Variants in SLC44A5 observed in about 807,000 individuals in gnomAD.
SLC44A5 encodes choline transporter-like protein 5.
Under a neutral mutation model 101.8 loss-of-function variants are expected in SLC44A5, and 57 were observed. That is an observed-to-expected ratio of 0.56 (90% CI 0.45 to 0.70). The LOEUF (loss-of-function observed/expected upper bound fraction) is 0.70. Ranked by LOEUF, SLC44A5 falls within the 30% of genes least tolerant of loss-of-function variation. The pLI, the probability that SLC44A5 is intolerant of heterozygous loss-of-function variation, is 0.00. For missense variants in SLC44A5, 737 were observed against 853.1 expected, an observed-to-expected ratio of 0.86 and a Z score of 1.70; for synonymous variants, 281 against 290.9, an observed-to-expected ratio of 0.97 and a Z score of 0.35.
intron 2 of SLC44A5, among the ~76,000 whole-genome samples, chr1:75,503,536 C>A (rs572249144): frequency 6.6e-6 from 1 of 152,258 alleles, no homozygotes; most frequent in South Asian, 2.1e-4. Flanking sequence ...GCCTCCTATA[C>A]AGCCTGTGGA....
intron 4 of SLC44A5, among the ~76,000 whole-genome samples, chr1:75,315,141 T>C (rs968335258): frequency 3.9e-5 from 6 of 152,112 alleles, no homozygotes; most frequent in Non-Finnish European, 7.4e-5. Context: ...GAACTCCTCA[T>C]AGAAAAAGTT....
At chr1:75,250,032 T>C (rs1570468764) in intron 7 of SLC44A5, among the ~76,000 whole-genome samples, 1 of 152,190 alleles carries the variant, frequency 6.6e-6, no homozygotes, top group East Asian at 1.9e-4. Context: ...CAGAGGTACA[T>C]GTGCAGGTTT....
intron 1 of SLC44A5, among the ~76,000 whole-genome samples, chr1:75,554,421 T>G (rs1672109166): frequency 1.4e-5 from 2 of 138,080 alleles, no homozygotes; most frequent in African/African-American, 5.6e-5. Flanking sequence ...TGAGCCAAGA[T>G]CACATCACTC....
At chr1:75,376,187 C>T (rs947907934) in intron 3 of SLC44A5, among the ~76,000 whole-genome samples, 22 of 152,372 alleles carry the variant, frequency 1.4e-4, no homozygotes, top group African/African-American at 4.6e-4. Flanking sequence ...GAGGGTCCTA[C>T]GCCCATGGAG....
chr1:75,339,599 C>G lies in SLC44A5; in HGVS notation c.84G>C (p.Lys28Asn). The G allele has an allele frequency of 3.1e-6, 5 of 1,609,588 alleles. No homozygotes were observed. Among genetic ancestry groups the G allele is most frequent in the Non-Finnish European group, 4.2e-6 (5 of 1,177,658 alleles). Residue 28 changes from lysine to asparagine, a missense_variant, in exon 4 of 24, where the codon AAG becomes AAC. Around this residue, in one of 3 missense-constraint regions of SLC44A5, gnomAD observed 665 missense variants for 764.4 expected, o/e 0.87. Coordinates refer to ENST00000370859, the MANE Select transcript of SLC44A5 (RefSeq NM_001130058.2). Reference sequence around the variant, plus strand: ...TTGCTTACCTGTTGGCAACAGGCCCCTTGAAATCTGGGTCATATGTCCTTG... The same window carrying G: ...TTGCTTACCTGTTGGCAACAGGCCCGTTGAAATCTGGGTCATATGTCCTTG... ...GDPRTYDPDF[K>N]GPVANRSCTD...
chr1:75,298,970 C>A (rs1019725983), intron 5 of SLC44A5, among the ~76,000 whole-genome samples: 3 of 152,152 alleles, frequency 2.0e-5, no homozygotes, highest in East Asian at 1.9e-4. Flanking sequence ...AACCCAAGAC[C>A]ATCAAAAAAT....
intron 5 of SLC44A5, among the ~76,000 whole-genome samples, chr1:75,275,521 T>G (rs76985288): frequency 0.026 from 4,005 of 152,264 alleles, 159 homozygotes; most frequent in African/African-American, 0.079. Flanking sequence ...TAGTTCTTTA[T>G]GATTTCATGT....
chr1:75,492,602 A>C (rs905752671), intron 2 of SLC44A5, among the ~76,000 whole-genome samples: 1 of 152,228 alleles, frequency 6.6e-6, no homozygotes, highest in Non-Finnish European at 1.5e-5. Flanking sequence ...AAAATACAAC[A>C]TGCTAAGAAA....
At chr1:75,677,387 G>A in the SLC44A5 span, among the ~76,000 whole-genome samples, 1 of 152,120 alleles carries the variant, frequency 6.6e-6, no homozygotes, top group Non-Finnish European at 1.5e-5. Context: ...ATTTGTTTAA[G>A]CAATCAGTGA....
chr1:75,359,230 C>CTT (rs58243679), intron 3 of SLC44A5, among the ~76,000 whole-genome samples: 13 of 108,670 alleles, frequency 1.2e-4, no homozygotes, highest in South Asian at 3.1e-4. Flanking sequence ...ATTTTCTTTT[C>CTT]TTTTTTTTTT....
At chr1:75,288,263 G>C (rs767495477) in intron 5 of SLC44A5, among the ~76,000 whole-genome samples, 14 of 152,070 alleles carry the variant, frequency 9.2e-5, no homozygotes, top group South Asian at 2.1e-4. Context: ...AGTCCTCACT[G>C]TATGATTTAA....
chr1:75,336,005 GTGT>G (rs1657415789), intron 4 of SLC44A5, among the ~76,000 whole-genome samples: 1 of 152,058 alleles, frequency 6.6e-6, no homozygotes, highest in Non-Finnish European at 1.5e-5. Flanking sequence ...TTGTCATCTG[GTGT>G]GTAATTTCCC....
intron 22 of SLC44A5, among the ~76,000 whole-genome samples, chr1:75,213,194 CCT>C (rs1164289080): frequency 2.0e-5 from 3 of 152,152 alleles, no homozygotes; most frequent in Admixed American, 2.0e-4. Flanking sequence ...CGCATGCAAT[CCT>C]CTGTCTCAGG....
chr1:75,476,248 T>C (rs1040328783), intron 2 of SLC44A5, among the ~76,000 whole-genome samples: 2 of 152,096 alleles, frequency 1.3e-5, no homozygotes, highest in African/African-American at 4.8e-5. Flanking sequence ...CATTTAGAAT[T>C]CTACCTACTA....
chr1:75,632,947 G>A, the SLC44A5 span, among the ~76,000 whole-genome samples: 11 of 152,104 alleles, frequency 7.2e-5, no homozygotes, highest in Admixed American at 6.6e-4. Context: ...ATTATTTGGT[G>A]GTGCTGGTAG....
At chr1:75,286,402 C>G (rs114561667) in intron 5 of SLC44A5, among the ~76,000 whole-genome samples, 11 of 151,988 alleles carry the variant, frequency 7.2e-5, no homozygotes, top group Non-Finnish European at 1.6e-4. Context: ...GCAGATAGTT[C>G]GTTCGTGAAT....
the SLC44A5 span, among the ~76,000 whole-genome samples, chr1:75,679,189 C>A: frequency 3.3e-4 from 51 of 152,294 alleles, 1 homozygote; most frequent in East Asian, 1.4e-3. Flanking sequence ...AAACACTCTG[C>A]AGGATATTAT....
At chr1:75,346,891 TAAC>T (rs1658294083) in intron 3 of SLC44A5, among the ~76,000 whole-genome samples, 1 of 152,010 alleles carries the variant, frequency 6.6e-6, no homozygotes, top group African/African-American at 2.4e-5. Context: ...CTAAAAAAAA[TAAC>T]AACTTCACAA....
intron 2 of SLC44A5, among the ~76,000 whole-genome samples, chr1:75,483,768 G>A (rs1157374496): frequency 1.3e-5 from 2 of 152,112 alleles, no homozygotes; most frequent in African/African-American, 4.8e-5. Context: ...ACCTAATACT[G>A]GGTAATTTAT....
Sources: gnomAD v4.1 joint callset for allele counts (sites outside exome capture counted in the v4.1 genomes callset) on GRCh38, gnomAD v4.1.1 for gene constraint, gnomAD v4.1.1 regional missense constraint, MANE v1.5 for transcripts, NCBI Gene and HGNC (gene_info 2026-07-23, HGNC 2026-07-21) for gene names.